The following GALNT11 variants were observed in gnomAD, a reference collection of about 807,000 sequenced individuals.
GALNT11 encodes the protein polypeptide N-acetylgalactosaminyltransferase 11.
Under a neutral mutation model 72.7 loss-of-function variants are expected in GALNT11, and 47 were observed. The ratio of observed to expected loss-of-function variants is 0.65; its 90% CI spans 0.51 to 0.82. The LOEUF is 0.82. Among genes scored for constraint, GALNT11 ranks in the 40% least tolerant of loss-of-function variants. The pLI, the probability that GALNT11 is intolerant of heterozygous loss-of-function variation, is 0.00. For missense variants in GALNT11, 677 were observed against 778.4 expected, an observed-to-expected ratio of 0.87 and a Z score of 1.55; for synonymous variants, 270 against 286.6, an observed-to-expected ratio of 0.94 and a Z score of 0.58.
chr7:152,088,516 GTT>G (rs35740522), intron 1 of GALNT11, among the ~76,000 whole-genome samples: 2 of 139,964 alleles, frequency 1.4e-5, no homozygotes, highest in East Asian at 2.1e-4. Flanking sequence ...TGGTTTCAGG[GTT>G]TTTTTTTTTT....
Position 152,112,889 on chromosome 7 carries a change from AAAAT to A in GALNT11, c.1081-337_1081-334del, listed in dbSNP as rs966988686. On this transcript the variant is annotated intron_variant, in intron 7 of 11. Coordinates refer to ENST00000430044, the MANE Select transcript of GALNT11 (RefSeq NM_022087.4). ...ACAGGTAATAAGCACTTCTTAAAAG[AAAAT>A]AAATAAATAAATAAATAAAAATAAG... 6.6e-5 allele frequency among the ~76,000 whole-genome samples: 10 copies of A among 152,190 alleles called. No individual in the cohort carries two copies. In the South Asian group the frequency reaches 8.3e-4, roughly 13 times the overall value.
intron 9 of GALNT11, 188 bp downstream of exon 9, chr7:152,117,563 C>T: frequency 6.4e-6 from 4 of 622,056 alleles, no homozygotes; most frequent in South Asian, 6.2e-5. Flanking sequence ...AAGTGTAGAT[C>T]CTTGCCTTGC....
intron 6 of GALNT11, among the ~76,000 whole-genome samples, chr7:152,109,227 C>T (rs140394756): frequency 1.3e-3 from 192 of 152,294 alleles, no homozygotes; most frequent in South Asian, 6.2e-4. Flanking sequence ...TCTGTTTTTC[C>T]GAAAATGTCC....
At chr7:152,026,427 T>A (rs2082018152) in intron 1 of GALNT11, among the ~76,000 whole-genome samples, 1 of 152,178 alleles carries the variant, frequency 6.6e-6, no homozygotes. Context: ...CCTCACCCTT[T>A]GGCCAGGAGG....
intron 1 of GALNT11, chr7:152,074,955 A>G (rs2084867521): frequency 6.6e-6 from 1 of 152,098 alleles, no homozygotes; most frequent in East Asian, 1.9e-4. Flanking sequence ...CCTGGAGCAA[A>G]TGACTTTGTG....
intron 1 of GALNT11, among the ~76,000 whole-genome samples, chr7:152,042,494 T>G (rs1005324252): frequency 2.6e-5 from 4 of 152,182 alleles, no homozygotes; most frequent in Non-Finnish European, 5.9e-5. Context: ...GCCATTGTTC[T>G]GTCCAAATTG....
At chr7:152,119,444 G>A (rs577180850) in intron 10 of GALNT11, 1 of 152,014 alleles carries the variant, frequency 6.6e-6, no homozygotes, top group South Asian at 2.1e-4. Context: ...CACTCAGAAA[G>A]GAAAAAAAAA....
chr7:152,074,769 C>G (rs182151588), intron 1 of GALNT11, among the ~76,000 whole-genome samples: 97 of 152,258 alleles, frequency 6.4e-4, no homozygotes, highest in African/African-American at 2.2e-3. Flanking sequence ...AAGTATTTCT[C>G]TAGCGTTAGA....
At chr7:152,055,580 T>C (rs975659393) in intron 1 of GALNT11, among the ~76,000 whole-genome samples, 2 of 151,032 alleles carry the variant, frequency 1.3e-5, no homozygotes, top group South Asian at 2.1e-4. Context: ...TATATACATA[T>C]ATATATATAC....
intron 1 of GALNT11, among the ~76,000 whole-genome samples, chr7:152,053,746 C>T (rs923758108): frequency 1.3e-5 from 2 of 152,188 alleles, no homozygotes; most frequent in African/African-American, 2.4e-5. Flanking sequence ...ATAATCCCAG[C>T]ACTTTGGGAG....
intron 1 of GALNT11, chr7:152,074,932 A>G (rs1446200871): frequency 7.2e-5 from 11 of 152,334 alleles, no homozygotes; most frequent in African/African-American, 2.4e-4. Flanking sequence ...AGGATCTAGC[A>G]AAGTTTTTTT....
chr7:152,088,385 G>A (rs1412930543), intron 1 of GALNT11, among the ~76,000 whole-genome samples: 2 of 151,600 alleles, frequency 1.3e-5, no homozygotes, highest in African/African-American at 4.8e-5. Context: ...AAACCATTTG[G>A]GTTTTTTTTC....
intron 6 of GALNT11, among the ~76,000 whole-genome samples, chr7:152,108,530 C>A (rs979459023): frequency 6.6e-6 from 1 of 152,124 alleles, no homozygotes; most frequent in Non-Finnish European, 1.5e-5. Context: ...GCAGACAGAC[C>A]AGGCCACCAT....
intron 8 of GALNT11, among the ~76,000 whole-genome samples, chr7:152,116,391 C>A (rs114405806): frequency 0.026 from 3,987 of 152,138 alleles, 175 homozygotes; most frequent in African/African-American, 0.09. Flanking sequence ...CATGCGCCAC[C>A]ACTCCCAACT....
intron 9 of GALNT11, 57 bp from the exon 10 acceptor site, chr7:152,118,621 C>G: frequency 6.6e-7 from 1 of 1,518,312 alleles, no homozygotes; most frequent in South Asian, 1.2e-5. Context: ...CACCTCCAGG[C>G]TTGGGAGGCG....
At chr7:152,038,427 G>A (rs1428932483) in intron 1 of GALNT11, among the ~76,000 whole-genome samples, 1 of 152,220 alleles carries the variant, frequency 6.6e-6, no homozygotes, top group Non-Finnish European at 1.5e-5. Context: ...ATTGTTTGTG[G>A]TTTAAGAATG....
chr7:152,074,770 T>C (rs772536898), intron 1 of GALNT11, among the ~76,000 whole-genome samples: 2 of 152,198 alleles, frequency 1.3e-5, no homozygotes, highest in Non-Finnish European at 2.9e-5. Flanking sequence ...AGTATTTCTC[T>C]AGCGTTAGAG....
chr7:152,039,623 A>G (rs977177775), intron 1 of GALNT11, among the ~76,000 whole-genome samples: 3 of 151,658 alleles, frequency 2.0e-5, no homozygotes, highest in African/African-American at 7.3e-5. Context: ...GACAGTTGGC[A>G]TCCTCCTCAG....
intron 1 of GALNT11, among the ~76,000 whole-genome samples, chr7:152,067,150 G>A (rs2129005211): frequency 6.6e-6 from 1 of 152,298 alleles, no homozygotes; most frequent in South Asian, 2.1e-4. Context: ...GTTTTGGGGA[G>A]GAAGACTACA....
Sources: allele counts gnomAD v4.1 joint callset (sites outside exome capture counted in the v4.1 genomes callset), GRCh38; gene constraint gnomAD v4.1.1; transcripts MANE v1.5; gene names NCBI Gene and HGNC (gene_info 2026-07-23, HGNC 2026-07-21).